TMEM131: variants seen among roughly 807,000 people sequenced by gnomAD.
TMEM131 encodes the protein 2610524E03Rik.
TMEM131 carries 66 observed loss-of-function variants against 211.6 expected under a neutral mutation model. That is an observed-to-expected ratio of 0.31 (90% CI 0.26 to 0.38). TMEM131 has a LOEUF of 0.38. Among genes scored for constraint, TMEM131 ranks in the 10% least tolerant of loss-of-function variants. The probability of loss-of-function intolerance (pLI) is 1.00; values close to 1 mark genes in which losing one functional copy is unlikely to be tolerated. For missense variants in TMEM131, 2,036 were observed against 2,299.3 expected (o/e 0.89, Z 2.34); for synonymous variants, 844 against 841.3 (o/e 1.00, Z -0.06).
intron 1 of TMEM131, among the ~76,000 whole-genome samples, chr2:97,981,666 C>T (rs1411484513): frequency 6.6e-6 from 1 of 152,052 alleles, no homozygotes; most frequent in African/African-American, 2.4e-5. Flanking sequence ...GTTCAACCAC[C>T]ATCCCAAAGA....
chr2:97,809,822 T>C, intron 18 of TMEM131, 48 bp from the exon 19 acceptor site: 1 of 1,433,804 alleles, frequency 7.0e-7, no homozygotes, highest in Non-Finnish European at 9.6e-7. Context: ...AGACTTAGCC[T>C]GATCTTGATA....
At chr2:97,827,086 AAAAAAT>A (rs1170497468) in intron 11 of TMEM131, among the ~76,000 whole-genome samples, 2 of 152,204 alleles carry the variant, frequency 1.3e-5, no homozygotes, top group African/African-American at 4.8e-5. Context: ...AAAAAAAAAA[AAAAAAT>A]TTTAAAATCC....
intron 4 of TMEM131, among the ~76,000 whole-genome samples, chr2:97,868,505 A>G (rs1559412194): frequency 6.6e-6 from 1 of 151,856 alleles, no homozygotes; most frequent in Admixed American, 6.6e-5. Flanking sequence ...TAGTTACTTT[A>G]TTTTTTTTAC....
intron 5 of TMEM131, among the ~76,000 whole-genome samples, chr2:97,852,555 T>G (rs780679537): frequency 6.6e-6 from 1 of 152,216 alleles, no homozygotes; most frequent in African/African-American, 2.4e-5. Context: ...AGCTGCAGAA[T>G]AGCTGAAAGC....
chr2:97,945,134 AACAAAAAGGAATGAAGTACTG>A (rs1200144561), intron 1 of TMEM131, among the ~76,000 whole-genome samples: 12 of 152,202 alleles, frequency 7.9e-5, no homozygotes. Context: ...TTTCAGCCAC[AACAAAAAGGAATGAAGTACTG>A]ACACAAAGCT....
At chr2:97,988,032 G>A (rs528715291) in intron 1 of TMEM131, among the ~76,000 whole-genome samples, 3 of 152,208 alleles carry the variant, frequency 2.0e-5, no homozygotes, top group Non-Finnish European at 1.5e-5. Flanking sequence ...ACAGTTAGAG[G>A]TCTCACATTT....
At position 97,975,572 on chromosome 2, in the gene TMEM131, G is replaced by A. The variant is rs1488875209; in HGVS notation, c.187+19904C>T. On this transcript the variant is annotated intron_variant, in intron 1 of 40. Coordinates refer to ENST00000186436, the MANE Select transcript of TMEM131 (RefSeq NM_015348.2). ...GATATTAATTACCAAAGTTCACTCA[G>A]GAAGAAATAGATAACCTGAAGAGCC... Among the ~76,000 whole-genome samples, 3 of 152,090 alleles carry A rather than the reference G, an allele frequency of 2.0e-5. No individual in the cohort carries two copies. The East Asian group carries it at 5.8e-4, about 29-fold the overall frequency.
At chr2:97,814,518 A>G in intron 13 of TMEM131, 130 bp from the exon 14 acceptor site, 2 of 946,734 alleles carry the variant, frequency 2.1e-6, no homozygotes, top group East Asian at 2.8e-5. Flanking sequence ...ATTTAGAACT[A>G]TAATATTTTA....
chr2:97,886,401 G>A (rs1675160496), intron 4 of TMEM131, among the ~76,000 whole-genome samples: 2 of 152,068 alleles, frequency 1.3e-5, no homozygotes, highest in African/African-American at 4.8e-5. Flanking sequence ...CCAATTTTAT[G>A]GAGTACATTT....
chr2:97,789,029 A>G (rs1680376384), intron 31 of TMEM131, among the ~76,000 whole-genome samples: 1 of 152,240 alleles, frequency 6.6e-6, no homozygotes. Context: ...CAAAACACTC[A>G]CTAGTTAGTG....
At chr2:97,868,262 A>G (rs190775219) in intron 4 of TMEM131, among the ~76,000 whole-genome samples, 10 of 152,222 alleles carry the variant, frequency 6.6e-5, no homozygotes, top group African/African-American at 2.4e-4. Flanking sequence ...TTACATGGTA[A>G]TATCTTTTCC....
chr2:97,944,461 T>C (rs1309731440), intron 1 of TMEM131, among the ~76,000 whole-genome samples: 1 of 152,136 alleles, frequency 6.6e-6, no homozygotes, highest in Non-Finnish European at 1.5e-5. Flanking sequence ...ACAACACAGA[T>C]AAATTAGACT....
intron 31 of TMEM131, among the ~76,000 whole-genome samples, chr2:97,782,354 T>C (rs994017485): frequency 2.0e-5 from 3 of 152,220 alleles, no homozygotes; most frequent in Non-Finnish European, 4.4e-5. Context: ...CCTCTGCCTC[T>C]GCCAGAGCAG....
intron 3 of TMEM131, among the ~76,000 whole-genome samples, chr2:97,894,174 AAG>A (rs1207213358): frequency 6.6e-6 from 1 of 152,204 alleles, no homozygotes; most frequent in African/African-American, 2.4e-5. Context: ...GGTTTGTCAA[AAG>A]ATCAGATGGC....
chr2:97,792,308 A>G (rs1680533482), intron 31 of TMEM131, 78 bp downstream of exon 31: 2 of 1,231,464 alleles, frequency 1.6e-6, no homozygotes, highest in East Asian at 5.1e-5. Context: ...TACCACAACT[A>G]TAATCTTAAT....
chr2:97,793,691 AACAG>A lies in TMEM131; in HGVS notation c.3387-142_3387-139del, dbSNP rs1311767928. 3 of 878,904 alleles carry A rather than the reference AACAG, an allele frequency of 3.4e-6. No homozygotes were observed. The African/African-American group carries it at 5.1e-5, about 15-fold the overall frequency. The allele number at this position is 878,904 out of a possible 1,614,324, so 54.4% of individuals were successfully genotyped here. ...AACCAAGTTGTCTGTGACAACTTTT[AACAG>A]ACAAAACCCACAGTTTTGGCTGGGC... On this transcript the variant is annotated intron_variant, in intron 29 of 40. Coordinates refer to ENST00000186436, the MANE Select transcript of TMEM131 (RefSeq NM_015348.2).
intron 1 of TMEM131, among the ~76,000 whole-genome samples, chr2:97,966,122 C>A (rs542709232): frequency 1.3e-4 from 20 of 151,486 alleles, no homozygotes; most frequent in Admixed American, 9.9e-4. Flanking sequence ...AAACAAATTT[C>A]TATCATGAAT....
intron 34 of TMEM131, 44 bp downstream of exon 34, chr2:97,766,434 A>T (rs1256372180): frequency 6.2e-7 from 1 of 1,613,408 alleles, no homozygotes; most frequent in Non-Finnish European, 8.5e-7. Context: ...GTGCACTATG[A>T]AAAGATCCGT....
intron 1 of TMEM131, among the ~76,000 whole-genome samples, chr2:97,987,541 T>C (rs904497938): frequency 3.3e-5 from 5 of 152,102 alleles, no homozygotes; most frequent in Non-Finnish European, 5.9e-5. Flanking sequence ...AGTCACAAAC[T>C]GTTAGAACTA....
Sources: allele counts gnomAD v4.1 joint callset (sites outside exome capture counted in the v4.1 genomes callset), GRCh38; gene constraint gnomAD v4.1.1; transcripts MANE v1.5; gene names NCBI Gene and HGNC (gene_info 2026-07-23, HGNC 2026-07-21).